The following RFTN1 variants were observed in gnomAD, a reference collection of about 807,000 sequenced individuals.
RFTN1 encodes the protein raftlin.
Under a neutral mutation model 46.5 loss-of-function variants are expected in RFTN1, and 26 were observed. That is an observed-to-expected ratio of 0.56 (90% CI 0.41 to 0.78). The LOEUF (loss-of-function observed/expected upper bound fraction) is 0.78, where lower values mean the gene tolerates loss of function less well. RFTN1 is among the 30% of genes least tolerant of loss of function. The pLI is 0.00. For synonymous variants in RFTN1, 261 were observed against 284.2 expected (o/e 0.92, Z 0.82); for missense variants, 693 against 718.7 (o/e 0.96, Z 0.41).
At position 16,447,357 on chromosome 3, in the gene RFTN1, T is replaced by C. The variant is rs561515458; in HGVS notation, c.146-13320A>G. 6.6e-5 allele frequency among the ~76,000 whole-genome samples: 10 copies of C among 152,342 alleles called. No individual in the cohort carries two copies. The highest frequency in any genetic ancestry group is 1.7e-4 in the African/African-American group (7 of 41,580). On this transcript the variant is annotated intron_variant, in intron 2 of 9. Coordinates refer to ENST00000334133, the MANE Select transcript of RFTN1 (RefSeq NM_015150.2). The surrounding 1 kb of genome is among the most constrained non-coding windows in gnomAD (Gnocchi z 5.9). ...AGCTTTGCATGAAGGATTACCGCCT[T>C]CTTGCATAAACTCCCAAATTGGTGC...
chr3:16,394,241 G>A (rs1461010272), intron 4 of RFTN1, among the ~76,000 whole-genome samples: 2 of 152,192 alleles, frequency 1.3e-5, no homozygotes, highest in East Asian at 3.9e-4. Flanking sequence ...GCTGGGTGTG[G>A]TGGTGCACAC....
chr3:16,479,026 A>AG lies in RFTN1; in HGVS notation c.145+14698dup, dbSNP rs993036469. 1.4e-4 allele frequency among the ~76,000 whole-genome samples: 21 copies of AG among 152,358 alleles called. No individual in the cohort carries two copies. Among genetic ancestry groups the AG allele is most frequent in the African/African-American group, 5.0e-4 (21 of 41,588 alleles). On this transcript the variant is annotated intron_variant, in intron 2 of 9. Transcript: ENST00000334133. The surrounding 1 kb of genome is among the most constrained non-coding windows in gnomAD (Gnocchi z 5.1). ...CACAAGGCCGTGGATACCAGTAGGC[A>AG]GGGGTCACTGGGGGCCATCTTGGCA...
rs910629121 is a variant in RFTN1 at position 16,326,832 on chromosome 3, C to T, written c.1191G>A (p.Leu397=). The part of the protein sequence containing the change: ...QTDYVPLLNS[L]AAYGWQLTCV... ...AGGTGAGCTGCCAGCCATAGGCCGC[C>T]AGCGAGTTCAGCAGGGGCACGTAGT... The change falls in exon 8 of 10, where the codon CTG becomes CTA. Residue 397 remains leucine (L), a synonymous_variant. Coordinates refer to ENST00000334133, the MANE Select transcript of RFTN1 (RefSeq NM_015150.2). 3.7e-6 allele frequency: 6 copies of T among 1,613,992 alleles called. No homozygotes were observed. In the Admixed American group the frequency reaches 6.7e-5, roughly 18 times the overall value.
At chr3:16,409,844 C>T (rs1042322441) in intron 3 of RFTN1, among the ~76,000 whole-genome samples, 2 of 152,056 alleles carry the variant, frequency 1.3e-5, no homozygotes, top group Non-Finnish European at 2.9e-5. Flanking sequence ...GCCACTGCGC[C>T]CAGCTAATTT....
At chr3:16,355,479 G>T (rs551657506) in intron 7 of RFTN1, among the ~76,000 whole-genome samples, 1 of 152,358 alleles carries the variant, frequency 6.6e-6, no homozygotes, top group African/African-American at 2.4e-5. Context: ...CATGATGAAA[G>T]GTGGAAGGCC....
intron 2 of RFTN1, among the ~76,000 whole-genome samples, chr3:16,444,463 TA>T (rs1349351415): frequency 5.3e-5 from 8 of 152,170 alleles, no homozygotes; most frequent in African/African-American, 1.9e-4. Flanking sequence ...GCATGTTAGG[TA>T]AACAGCCATG....
intron 4 of RFTN1, among the ~76,000 whole-genome samples, chr3:16,392,581 A>G (rs2074376875): frequency 6.6e-6 from 1 of 150,656 alleles, no homozygotes. Flanking sequence ...ATATATAAAT[A>G]TATATTACAT....
Position 16,475,377 on chromosome 3 carries a change from G to T in RFTN1, c.145+18348C>A, listed in dbSNP as rs1387023900. Among the ~76,000 whole-genome samples, 1 of 152,242 alleles carries T rather than the reference G, an allele frequency of 6.6e-6. No individual in the cohort carries two copies. The highest frequency in any genetic ancestry group is 1.5e-5 in the Non-Finnish European group (1 of 68,038). ...TTTTTGAATCTGCAGATTTGGAGCTGCTGGTTCCCAAGAGAGGAATGCTTC... is the reference window on the plus strand; with the variant it reads ...TTTTTGAATCTGCAGATTTGGAGCTTCTGGTTCCCAAGAGAGGAATGCTTC... On this transcript the variant is annotated intron_variant, in intron 2 of 9. Coordinates refer to ENST00000334133, the MANE Select transcript of RFTN1 (RefSeq NM_015150.2). This position sits in a 1 kb window ranked among gnomAD's most constrained non-coding sequence, Gnocchi z 4.2.
Position 16,483,160 on chromosome 3 carries a change from G to T in RFTN1, c.145+10565C>A, listed in dbSNP as rs1257629364. On this transcript the variant is annotated intron_variant, in intron 2 of 9. Coordinates refer to ENST00000334133, the MANE Select transcript of RFTN1 (RefSeq NM_015150.2). This position sits in a 1 kb window ranked among gnomAD's most constrained non-coding sequence, Gnocchi z 4.8. ...AAACTGCAGGTATCATATTTACAGA[G>T]AGGTAATAAATACCTCATTAAGGAA... Among the ~76,000 whole-genome samples the T allele has an allele frequency of 2.6e-5, 4 of 152,220 alleles. No individual in the cohort carries two copies. Among genetic ancestry groups the T allele is most frequent in the African/African-American group, 9.7e-5 (4 of 41,446 alleles).
In RFTN1 at chr3:16,353,410, G is replaced by A. The variant is rs906952118; in HGVS notation, c.1146+4522C>T. On this transcript the variant is annotated intron_variant, in intron 7 of 9. Transcript: ENST00000334133. The surrounding 1 kb of genome is among the most constrained non-coding windows in gnomAD (Gnocchi z 5.4). The stretch of plus-strand genomic sequence containing the variant: ...GCTGAGGTGCGGGGGAACCTGTCCC[G>A]GACTGGACATTGCTGGGCTGTGCTG... Among the ~76,000 whole-genome samples, 2 of 152,184 alleles carry A rather than the reference G, an allele frequency of 1.3e-5. No individual in the cohort carries two copies. Among genetic ancestry groups the A allele is most frequent in the Admixed American group, 6.5e-5 (1 of 15,284 alleles).
At chr3:16,494,296 G>T (rs2076590211) in intron 1 of RFTN1, among the ~76,000 whole-genome samples, 1 of 152,184 alleles carries the variant, frequency 6.6e-6, no homozygotes, top group South Asian at 2.1e-4. Context: ...CTTCACTGTG[G>T]TTGCTAACAC....
rs150666613 is a variant in RFTN1, at chr3:16,334,745, C to G, written c.1147-7869G>C. ...GCCCCAAAGATGTCTACAGCCTAATCCCAGGAGCCTGTGAAAATGTTCCCT... is the reference window on the plus strand; with the variant it reads ...GCCCCAAAGATGTCTACAGCCTAATGCCAGGAGCCTGTGAAAATGTTCCCT... On this transcript the variant is annotated intron_variant, in intron 7 of 9. Transcript: ENST00000334133. This position sits in a 1 kb window ranked among gnomAD's most constrained non-coding sequence, Gnocchi z 4.3. Among the ~76,000 whole-genome samples, 2 of 152,184 alleles carry G rather than the reference C, an allele frequency of 1.3e-5. No individual in the cohort carries two copies. Among genetic ancestry groups the G allele is most frequent in the South Asian group, 4.1e-4 (2 of 4,828 alleles).
chr3:16,433,786 C>T lies in RFTN1; in HGVS notation c.332+65G>A. The T allele has an allele frequency of 1.3e-6, 2 of 1,540,090 alleles. No individual in the cohort carries two copies. Among genetic ancestry groups the T allele is most frequent in the Admixed American group, 1.7e-5 (1 of 59,898 alleles). Reference sequence around the variant, plus strand: ...ACCCCCAACCCCATCCTCTCACTTCCCCTCCTCTATTGAGCATAACTTAGC... The same window carrying T: ...ACCCCCAACCCCATCCTCTCACTTCTCCTCCTCTATTGAGCATAACTTAGC... On this transcript the variant is annotated intron_variant, in intron 3 of 9. Transcript: ENST00000334133. This position sits in a 1 kb window ranked among gnomAD's most constrained non-coding sequence, Gnocchi z 4.4.
chr3:16,460,564 C>A lies in RFTN1; in HGVS notation c.146-26527G>T, dbSNP rs1190848898. On this transcript the variant is annotated intron_variant, in intron 2 of 9. Transcript: ENST00000334133. This position sits in a 1 kb window ranked among gnomAD's most constrained non-coding sequence, Gnocchi z 4.8. Reference sequence around the variant, plus strand: ...CAACGCCGCTGTCCAAAACCAAAACCTCACATTTCAAGCAGAGGCTGGGTG... The same window carrying A: ...CAACGCCGCTGTCCAAAACCAAAACATCACATTTCAAGCAGAGGCTGGGTG... 6.6e-6 allele frequency among the ~76,000 whole-genome samples: 1 copy of A among 152,130 alleles called. No homozygotes were observed. Among genetic ancestry groups the A allele is most frequent in the South Asian group, 2.1e-4 (1 of 4,826 alleles).
chr3:16,454,711 G>T, intron 2 of RFTN1: 5 of 961,994 alleles, frequency 5.2e-6, no homozygotes, highest in Non-Finnish European at 6.2e-6. Flanking sequence ...ACTCTTTCTA[G>T]AAGAGACTTC....
rs10560544 is a variant in RFTN1, at chr3:16,465,419, GACACAC to G, written c.145+28300_145+28305del. ...CCAACAGAGGTTGGCAGCTCAGAGG[GACACAC>G]ACACACACACACACACACACACACA... On this transcript the variant is annotated intron_variant, in intron 2 of 9. Transcript: ENST00000334133. This position sits in a 1 kb window ranked among gnomAD's most constrained non-coding sequence, Gnocchi z 5.1. 2.7e-4 allele frequency among the ~76,000 whole-genome samples: 39 copies of G among 143,390 alleles called. No individual in the cohort carries two copies. The highest frequency in any genetic ancestry group is 4.3e-4 in the African/African-American group (17 of 39,286). The allele number at this position is 143,390 out of a possible 152,430, so 94.1% of individuals were successfully genotyped here. A position where few individuals can be genotyped will look rare whatever the true frequency, so the allele number is the denominator to read the frequency against.
Position 16,361,787 on chromosome 3 carries a change from T to C in RFTN1, c.1031-3740A>G, listed in dbSNP as rs118023354. ...AGCAGAGACATAAAAAGCACGTGTG[T>C]GGTTGAACTTGGCCTCTTGTGTCTT... On this transcript the variant is annotated intron_variant, in intron 6 of 9. Transcript: ENST00000334133. The surrounding 1 kb of genome is among the most constrained non-coding windows in gnomAD (Gnocchi z 4.3). 1.6e-3 allele frequency among the ~76,000 whole-genome samples: 237 copies of C among 152,250 alleles called. 3 individuals carry two copies. The East Asian group carries it at 0.018, about 11-fold the overall frequency.
rs1276613454 is a variant in RFTN1, at chr3:16,329,951, G to A, written c.1147-3075C>T. 2.6e-5 allele frequency among the ~76,000 whole-genome samples: 4 copies of A among 152,224 alleles called. No homozygotes were observed. The South Asian group carries it at 6.2e-4, about 24-fold the overall frequency. ...CAATGAACGACCCCTGCTGCAGCCC[G>A]ACCCGCCTGCTTAGACAGACTGCAA... On this transcript the variant is annotated intron_variant, in intron 7 of 9. Transcript: ENST00000334133. This position sits in a 1 kb window ranked among gnomAD's most constrained non-coding sequence, Gnocchi z 4.5.
intron 4 of RFTN1, among the ~76,000 whole-genome samples, chr3:16,397,085 AAGAG>A (rs1294423407): frequency 1.7e-4 from 25 of 149,894 alleles, no homozygotes; most frequent in African/African-American, 4.2e-4. Context: ...AAAAAAAAAA[AAGAG>A]AGAGAGAAGA....
Sources: gnomAD v4.1 joint callset for allele counts (sites outside exome capture counted in the v4.1 genomes callset) on GRCh38, gnomAD v4.1.1 for gene constraint, Gnocchi (gnomAD v3.1) non-coding constraint, MANE v1.5 for transcripts, NCBI Gene and HGNC (gene_info 2026-07-23, HGNC 2026-07-21) for gene names.